USP48: variants seen among roughly 807,000 people sequenced by gnomAD.
USP48 encodes the protein ubiquitin specific peptidase 48.
Under a neutral mutation model 150.7 loss-of-function variants are expected in USP48, and 43 were observed. The ratio of observed to expected loss-of-function variants is 0.29; its 90% CI spans 0.22 to 0.37. The LOEUF is 0.37. Among genes scored for constraint, USP48 ranks in the 10% least tolerant of loss-of-function variants. The probability of loss-of-function intolerance (pLI) is 1.00; values close to 1 mark genes in which losing one functional copy is unlikely to be tolerated. For synonymous variants in USP48, 396 were observed against 425.9 expected, an observed-to-expected ratio of 0.93 and a Z score of 0.86; for missense variants, 813 against 1,249.6, an observed-to-expected ratio of 0.65 and a Z score of 5.27.
At chr1:21,697,163 T>C (rs2097636343) in intron 22 of USP48, among the ~76,000 whole-genome samples, 1 of 151,864 alleles carries the variant, frequency 6.6e-6, no homozygotes, top group Non-Finnish European at 1.5e-5. Flanking sequence ...CAGAAGGTGA[T>C]CAAGACCCAA....
chr1:21,760,138 C>A (rs1304410396), intron 1 of USP48, among the ~76,000 whole-genome samples: 1 of 152,116 alleles, frequency 6.6e-6, no homozygotes, highest in Non-Finnish European at 1.5e-5. Context: ...AACATCAGAC[C>A]AAACCAACTC....
intron 25 of USP48, among the ~76,000 whole-genome samples, chr1:21,682,874 G>GA (rs113666436): frequency 0.037 from 4,476 of 121,618 alleles, 72 homozygotes; most frequent in Middle Eastern, 0.059. Flanking sequence ...CTCCATCTCA[G>GA]AAAAAAAAAA....
intron 23 of USP48, 43 bp downstream of exon 23, chr1:21,695,023 C>T (rs1439226089): frequency 6.4e-7 from 1 of 1,561,610 alleles, no homozygotes; most frequent in Non-Finnish European, 8.7e-7. Context: ...TTCATAAAGG[C>T]CCTTTTAAGT....
chr1:21,743,629 T>C (rs1278853038), intron 8 of USP48, among the ~76,000 whole-genome samples: 1 of 152,072 alleles, frequency 6.6e-6, no homozygotes, highest in East Asian at 1.9e-4. Flanking sequence ...AAAAGAAGCA[T>C]TCCACATGAA....
At chr1:21,753,211 A>G in intron 3 of USP48, 92 bp from the exon 4 acceptor site, 1 of 1,262,558 alleles carries the variant, frequency 7.9e-7, no homozygotes, top group Non-Finnish European at 1.1e-6. Context: ...GAACATAAAC[A>G]TCTCTACATC....
intron 7 of USP48, among the ~76,000 whole-genome samples, chr1:21,747,656 T>G (rs1050593973): frequency 1.2e-4 from 19 of 152,112 alleles, no homozygotes; most frequent in Non-Finnish European, 1.9e-4. Flanking sequence ...CACTGCAACC[T>G]CCGCCTCCTG....
At chr1:21,748,084 C>CT in intron 7 of USP48, 54 bp downstream of exon 7, 1 of 1,523,336 alleles carries the variant, frequency 6.6e-7, no homozygotes, top group African/African-American at 1.4e-5. Context: ...ATGGTAAAGT[C>CT]TGTACATAGT....
intron 23 of USP48, among the ~76,000 whole-genome samples, chr1:21,693,645 T>A (rs987574825): frequency 4.6e-5 from 7 of 152,230 alleles, no homozygotes; most frequent in African/African-American, 1.7e-4. Context: ...CACAGGCTTT[T>A]AAAAATGTCT....
At chr1:21,718,084 T>C (rs2097709680) in intron 14 of USP48, among the ~76,000 whole-genome samples, 1 of 152,228 alleles carries the variant, frequency 6.6e-6, no homozygotes, top group Admixed American at 6.5e-5. Flanking sequence ...TATTTATAAT[T>C]CTCTGATCCA....
At position 21,763,473 on chromosome 1, in the gene USP48, G is replaced by T. The variant is rs554161554; in HGVS notation, c.135-5690C>A. Among the ~76,000 whole-genome samples the T allele has an allele frequency of 2.0e-5, 3 of 152,304 alleles. No individual in the cohort carries two copies. In the East Asian group the frequency reaches 5.8e-4, roughly 29 times the overall value. The stretch of plus-strand genomic sequence containing the variant: ...TACATAGCCCAATATGGGGGGGCGG[G>T]GTTGTGTTTGTTCTCTTACTTGGAG... On this transcript the variant is annotated intron_variant, in intron 1 of 26. Coordinates refer to ENST00000308271, the MANE Select transcript of USP48 (RefSeq NM_032236.8).
intron 1 of USP48, among the ~76,000 whole-genome samples, chr1:21,777,822 C>T (rs894650527): frequency 4.6e-5 from 7 of 151,792 alleles, no homozygotes; most frequent in Non-Finnish European, 7.4e-5. Flanking sequence ...GACTTATATG[C>T]AGTATATATA....
At chr1:21,698,018 T>C (rs2097642281) in intron 22 of USP48, among the ~76,000 whole-genome samples, 1 of 152,102 alleles carries the variant, frequency 6.6e-6, no homozygotes, top group South Asian at 2.1e-4. Context: ...AGGAGTTGGG[T>C]TGATCTAGCT....
rs114955863 is a variant in USP48 at position 21,683,763 on chromosome 1, G to A, written c.3059-2929C>T. ...ACTTATTCTTTCTATCAAATTGTATGTTTGTACCCATTAACCAACCTCCCT... is the reference window on the plus strand; with the variant it reads ...ACTTATTCTTTCTATCAAATTGTATATTTGTACCCATTAACCAACCTCCCT... On this transcript the variant is annotated intron_variant, in intron 25 of 26. Coordinates refer to ENST00000308271, the MANE Select transcript of USP48 (RefSeq NM_032236.8). 8.4e-3 allele frequency among the ~76,000 whole-genome samples: 1,278 copies of A among 152,224 alleles called. 40 individuals carry two copies. Among genetic ancestry groups the A allele is most frequent in the Admixed American group, 0.059 (905 of 15,288 alleles).
At chr1:21,697,693 G>A (rs894658394) in intron 22 of USP48, among the ~76,000 whole-genome samples, 3 of 150,736 alleles carry the variant, frequency 2.0e-5, no homozygotes, top group South Asian at 2.1e-4. Flanking sequence ...AAAAGAAAAG[G>A]TCAAATTGAA....
intron 11 of USP48, chr1:21,727,760 T>C: frequency 2.0e-6 from 1 of 504,400 alleles, no homozygotes; most frequent in Non-Finnish European, 2.6e-6. Flanking sequence ...AAATATATTC[T>C]TATAGACTTG....
chr1:21,727,652 T>C (rs1406091402), intron 11 of USP48, among the ~76,000 whole-genome samples: 1 of 152,208 alleles, frequency 6.6e-6, no homozygotes, highest in Admixed American at 6.5e-5. Flanking sequence ...TCCAGTTACA[T>C]TAAGGTCAGT....
intron 21 of USP48, among the ~76,000 whole-genome samples, chr1:21,702,641 G>A (rs891488906): frequency 6.6e-6 from 1 of 151,806 alleles, no homozygotes; most frequent in African/African-American, 2.4e-5. Flanking sequence ...TATCTACACT[G>A]GGAATAAACC....
intron 9 of USP48, among the ~76,000 whole-genome samples, chr1:21,735,241 T>A (rs1218976854): frequency 2.0e-5 from 3 of 152,210 alleles, no homozygotes; most frequent in Non-Finnish European, 4.4e-5. Flanking sequence ...ACTGAAAACA[T>A]GACATTATGA....
Position 21,705,772 on chromosome 1 carries a change from C to A in USP48, c.2339G>T (p.Gly780Val). 1 of 1,612,180 alleles carries A rather than the reference C, an allele frequency of 6.2e-7. No homozygotes were observed. The highest frequency in any genetic ancestry group is 8.5e-7 in the Non-Finnish European group (1 of 1,179,410). ...CATGGAAGCAAATGTAAACATGAGGCCCCCGTGGGGACACAAAAGAGCACT... is the reference window on the plus strand; with the variant it reads ...CATGGAAGCAAATGTAAACATGAGGACCCCGTGGGGACACAAAAGAGCACT... ...GNSALLCPHG[G>V]LMFTFASMTK... The change falls in exon 19 of 27, where the codon GGC (glycine) becomes GTC (valine). Residue 780 changes from glycine to valine, a missense_variant. Gly to Val is a moderately radical substitution (Grantham distance 109). Transcript: ENST00000308271.
Sources: gnomAD v4.1 joint callset for allele counts (sites outside exome capture counted in the v4.1 genomes callset) on GRCh38, gnomAD v4.1.1 for gene constraint, MANE v1.5 for transcripts, NCBI Gene and HGNC (gene_info 2026-07-23, HGNC 2026-07-21) for gene names.